The following ZBTB38 variants were observed in gnomAD, a reference collection of about 807,000 sequenced individuals.
ZBTB38 encodes zinc finger and BTB domain-containing protein 38.
A neutral mutation model predicts 76.8 loss-of-function variants in ZBTB38; 20 were observed. The observed-to-expected ratio is 0.26, with a 90% CI of 0.18 to 0.38. The LOEUF (loss-of-function observed/expected upper bound fraction) is 0.38. Ranked by LOEUF, ZBTB38 falls within the 10% of genes least tolerant of loss-of-function variation. ZBTB38 has a pLI of 1.00. For synonymous variants in ZBTB38, 504 were observed against 544.2 expected (o/e 0.93, Z 1.03); for missense variants, 1,082 against 1,482.3 (o/e 0.73, Z 4.43).
chr3:141,382,030 GA>G (rs1196927873), intron 3 of ZBTB38, among the ~76,000 whole-genome samples: 5 of 152,140 alleles, frequency 3.3e-5, no homozygotes, highest in East Asian at 3.9e-4. Context: ...AAATATGTTG[GA>G]AAAAAATCAT....
intron 5 of ZBTB38, among the ~76,000 whole-genome samples, chr3:141,418,126 G>A (rs1282216992): frequency 2.0e-5 from 3 of 152,294 alleles, no homozygotes; most frequent in African/African-American, 7.2e-5. Flanking sequence ...AGTTTCCAAA[G>A]GCGATTTCAG....
At chr3:141,439,165 A>C (rs958168963) in intron 5 of ZBTB38, among the ~76,000 whole-genome samples, 27 of 152,138 alleles carry the variant, frequency 1.8e-4, no homozygotes, top group Admixed American at 1.2e-3. Flanking sequence ...TTCTTCCCCT[A>C]GACTCTGGGC....
intron 5 of ZBTB38, among the ~76,000 whole-genome samples, chr3:141,423,124 C>G (rs538237302): frequency 6.6e-6 from 1 of 152,264 alleles, no homozygotes; most frequent in South Asian, 2.1e-4. Context: ...CAGAGCTGAT[C>G]TTGCCAGGAC....
chr3:141,420,483 C>G (rs1027387103), intron 5 of ZBTB38, among the ~76,000 whole-genome samples: 3 of 152,162 alleles, frequency 2.0e-5, no homozygotes, highest in Non-Finnish European at 4.4e-5. Flanking sequence ...GCTTACTTGC[C>G]TTGTGGCCTC....
At chr3:141,360,989 C>A (rs1943807344) in intron 1 of ZBTB38, among the ~76,000 whole-genome samples, 1 of 152,202 alleles carries the variant, frequency 6.6e-6, no homozygotes, top group Non-Finnish European at 1.5e-5. Flanking sequence ...AATGTCAAAT[C>A]TGTAAATTTG....
At chr3:141,353,078 G>A (rs1304109524) in intron 1 of ZBTB38, among the ~76,000 whole-genome samples, 2 of 151,990 alleles carry the variant, frequency 1.3e-5, no homozygotes, top group Non-Finnish European at 2.9e-5. Flanking sequence ...GAGTTTCAGG[G>A]CATAATGCAC....
At chr3:141,345,167 T>C (rs1943311032) in intron 1 of ZBTB38, among the ~76,000 whole-genome samples, 1 of 151,980 alleles carries the variant, frequency 6.6e-6, no homozygotes, top group Non-Finnish European at 1.5e-5. Context: ...TTGGGATAAG[T>C]TGGAAAAATG....
chr3:141,346,769 T>G (rs947137476), intron 1 of ZBTB38, among the ~76,000 whole-genome samples: 2 of 133,334 alleles, frequency 1.5e-5, no homozygotes, highest in East Asian at 4.5e-4. Context: ...TCTCCGAGGT[T>G]TTTTGTTTTG....
At chr3:141,386,151 T>A in intron 3 of ZBTB38, 1 of 152,256 alleles carries the variant, frequency 6.6e-6, no homozygotes, top group Non-Finnish European at 1.5e-5. Context: ...ATAAATCATT[T>A]TGCATTTTCT....
chr3:141,434,293 C>A, intron 5 of ZBTB38: 1 of 776,298 alleles, frequency 1.3e-6, no homozygotes, highest in Non-Finnish European at 1.6e-6. Context: ...AGAGGAAAAA[C>A]AGTTTCTCTC....
intron 5 of ZBTB38, among the ~76,000 whole-genome samples, chr3:141,422,596 T>G (rs2075633018): frequency 6.6e-6 from 1 of 152,120 alleles, no homozygotes; most frequent in Admixed American, 6.5e-5. Flanking sequence ...GGAGGGCAGA[T>G]TTGCTCAATC....
At chr3:141,388,423 A>C (rs952202050) in intron 4 of ZBTB38, 5 of 152,208 alleles carry the variant, frequency 3.3e-5, no homozygotes, top group African/African-American at 1.2e-4. Flanking sequence ...CAATTTTTAA[A>C]GAGGGAAATA....
intron 2 of ZBTB38, among the ~76,000 whole-genome samples, chr3:141,371,045 C>CTTTCTTTTTTTTTTTTTTTTTTTTTTTT (rs1944498561): frequency 2.8e-5 from 2 of 72,006 alleles, no homozygotes; most frequent in African/African-American, 1.6e-4. Context: ...TTCTTTCTTT[C>CTTTCTTTTTTTTTTTTTTTTTTTTTTTT]TTTTTTTTTT....
chr3:141,396,996 A>G (rs1056198246), intron 4 of ZBTB38, among the ~76,000 whole-genome samples: 3 of 152,202 alleles, frequency 2.0e-5, no homozygotes, highest in African/African-American at 7.2e-5. Flanking sequence ...ACTTAAAGTC[A>G]CCAGCTTCAT....
intron 4 of ZBTB38, among the ~76,000 whole-genome samples, chr3:141,397,837 A>T (rs575927170): frequency 6.6e-6 from 1 of 152,232 alleles, no homozygotes; most frequent in African/African-American, 2.4e-5. Context: ...ATCAAAGATC[A>T]CTGATCACAG....
At chr3:141,387,941 C>T (rs1203778558) in intron 4 of ZBTB38, 1 of 151,980 alleles carries the variant, frequency 6.6e-6, no homozygotes, top group African/African-American at 2.4e-5. Context: ...GCAGCAAGAA[C>T]ATTAGATGCA....
Position 141,431,341 on chromosome 3 carries a change from A to AAAAAAAATATATATATAT in ZBTB38, c.1-11047_1-11046insAAAAAATATATATATATA. Among the ~76,000 whole-genome samples the AAAAAAAATATATATATAT allele has an allele frequency of 5.8e-5, 6 of 103,280 alleles. No individual in the cohort carries two copies. The South Asian group carries it at 1.4e-3, about 24-fold the overall frequency. The allele number at this position is 103,280 out of a possible 152,430, so 67.8% of individuals were successfully genotyped here. On this transcript the variant is annotated intron_variant, in intron 5 of 5. Coordinates refer to ENST00000321464, the MANE Select transcript of ZBTB38 (RefSeq NM_001376113.1). ...TTCGTCTCAAAAAAAAAAAAAAAAA[A>AAAAAAAATATATATATAT]ATATATATATATATTTGGGGGGGAC...
chr3:141,345,561 C>T (rs1943328243), intron 1 of ZBTB38, among the ~76,000 whole-genome samples: 1 of 152,140 alleles, frequency 6.6e-6, no homozygotes, highest in African/African-American at 2.4e-5. Context: ...CAACTTTGAC[C>T]CTATTTTATG....
intron 1 of ZBTB38, 27 bp from the exon 2 acceptor site, chr3:141,369,845 A>G: frequency 6.6e-6 from 1 of 152,332 alleles, no homozygotes; most frequent in African/African-American, 2.4e-5. Flanking sequence ...CTTATGTTTT[A>G]CTTTTTGTTT....
Sources: gnomAD v4.1 joint callset for allele counts (sites outside exome capture counted in the v4.1 genomes callset) on GRCh38, gnomAD v4.1.1 for gene constraint, MANE v1.5 for transcripts, NCBI Gene and HGNC (gene_info 2026-07-23, HGNC 2026-07-21) for gene names.